Variants in ADAMTS20 observed in about 807,000 individuals in gnomAD.
The protein encoded by ADAMTS20 is ADAM metallopeptidase with thrombospondin type 1 motif 20.
In ADAMTS20, 225 loss-of-function variants were observed where a neutral mutation model predicts 260.1. The ratio of observed to expected loss-of-function variants is 0.87; its 90% confidence interval spans 0.78 to 0.97. ADAMTS20 has a LOEUF of 0.97. ADAMTS20 is among the 50% of genes least tolerant of loss of function. The pLI is 0.00. For missense variants in ADAMTS20, 2,400 were observed against 2,337.7 expected (o/e 1.03, Z -0.55); for synonymous variants, 802 against 769.5 (o/e 1.04, Z -0.70).
chr12:43,492,696 C>G (rs1318022576), intron 5 of ADAMTS20, 67 bp from the exon 6 acceptor site: 6 of 1,556,086 alleles, frequency 3.9e-6, no homozygotes, highest in Non-Finnish European at 5.3e-6. Context: ...CCAAGTTTAT[C>G]AGCATCTGCA....
chr12:43,358,406 G>C (rs1463214820), intron 37 of ADAMTS20, among the ~76,000 whole-genome samples: 1 of 152,066 alleles, frequency 6.6e-6, no homozygotes, highest in Non-Finnish European at 1.5e-5. Flanking sequence ...CTAAAATTTG[G>C]TATGATGTTG....
At chr12:43,369,127 TC>T (rs1331528828) in intron 37 of ADAMTS20, among the ~76,000 whole-genome samples, 162 bp downstream of exon 37, 1 of 152,148 alleles carries the variant, frequency 6.6e-6, no homozygotes, top group African/African-American at 2.4e-5. Context: ...AAGATGCTTT[TC>T]CTCCAAAGGT....
chr12:43,400,668 C>A (rs1417402259), intron 28 of ADAMTS20, among the ~76,000 whole-genome samples: 1 of 151,588 alleles, frequency 6.6e-6, no homozygotes, highest in East Asian at 1.9e-4. Context: ...CTGCCTCTTT[C>A]TTTTCTTCAT....
chr12:43,482,118 G>T (rs1235036552), intron 7 of ADAMTS20, among the ~76,000 whole-genome samples: 3 of 152,234 alleles, frequency 2.0e-5, no homozygotes, highest in African/African-American at 7.2e-5. Context: ...CTCCAGCAGG[G>T]ATGGAAGAAA....
intron 2 of ADAMTS20, among the ~76,000 whole-genome samples, chr12:43,546,444 G>A (rs959711814): frequency 6.6e-6 from 1 of 151,712 alleles, no homozygotes; most frequent in Admixed American, 6.6e-5. Flanking sequence ...TAATCCCCGA[G>A]GACCTTGGGA....
chr12:43,383,462 T>A, intron 31 of ADAMTS20, 96 bp downstream of exon 31: 3 of 1,237,636 alleles, frequency 2.4e-6, no homozygotes, highest in Non-Finnish European at 3.3e-6. Context: ...TCTGCCCTCA[T>A]ATTCAAATTT....
chr12:43,496,526 C>T (rs12315535), intron 4 of ADAMTS20, among the ~76,000 whole-genome samples: 2,287 of 152,298 alleles, frequency 0.015, 53 homozygotes, highest in African/African-American at 0.051. Context: ...GTCACTTGCC[C>T]GTGGCCTCAG....
At chr12:43,548,329 A>G (rs1943468130) in intron 2 of ADAMTS20, among the ~76,000 whole-genome samples, 1 of 152,342 alleles carries the variant, frequency 6.6e-6, no homozygotes, top group South Asian at 2.1e-4. Context: ...TGACAAAGAT[A>G]AACTAGGAAG....
In ADAMTS20 at chr12:43,420,800, C is replaced by CTTTTTT. The variant is rs747496684; in HGVS notation, c.4284+4708_4284+4713dup. On this transcript the variant is annotated intron_variant, in intron 28 of 38. Coordinates refer to ENST00000389420, the MANE Select transcript of ADAMTS20 (RefSeq NM_025003.5). ...TCTTCTTCTTCTCCTCCTCCTCCTT[C>CTTTTTT]TTTTTTTTTTTTTTTTTTTTTTTTT... Among the ~76,000 whole-genome samples the CTTTTTT allele has an allele frequency of 2.2e-3, 122 of 55,504 alleles. 6 individuals carry two copies. Among genetic ancestry groups the CTTTTTT allele is most frequent in the East Asian group, 0.014 (10 of 734 alleles). 36.4% of individuals were successfully genotyped at this position (55,504 alleles called of 152,430 possible). A position where few individuals can be genotyped will look rare whatever the true frequency, so the allele number is the denominator to read the frequency against.
chr12:43,389,570 G>A (rs1940553616), intron 29 of ADAMTS20, among the ~76,000 whole-genome samples: 1 of 152,142 alleles, frequency 6.6e-6, no homozygotes, highest in Non-Finnish European at 1.5e-5. Flanking sequence ...CTCATGGATT[G>A]TAGTTTGGTG....
intron 3 of ADAMTS20, among the ~76,000 whole-genome samples, chr12:43,518,581 A>G (rs1943029473): frequency 6.6e-6 from 1 of 152,000 alleles, no homozygotes; most frequent in Non-Finnish European, 1.5e-5. Context: ...ATTCAGCCTT[A>G]TATCTTTAAA....
At position 43,439,630 on chromosome 12, in the gene ADAMTS20, A is replaced by AT; in HGVS notation, c.2584dup (p.Met862AsnfsTer15). 4 of 1,604,822 alleles carry AT rather than the reference A, an allele frequency of 2.5e-6. No individual in the cohort carries two copies. The highest frequency in any genetic ancestry group is 3.4e-6 in the Non-Finnish European group (4 of 1,177,564). ...ATTGAATGCCAGCGTACCTTGACAC[A>AT]TTTTGGTACAGCCTTCCCATGGTCC... is the stretch of plus-strand genomic sequence containing the variant. On this transcript the variant is annotated frameshift_variant, in exon 18 of 39. Transcript: ENST00000389420. LOFTEE classifies it high-confidence loss of function.
At chr12:43,484,981 A>G (rs1942499503) in intron 7 of ADAMTS20, among the ~76,000 whole-genome samples, 1 of 152,044 alleles carries the variant, frequency 6.6e-6, no homozygotes, top group Admixed American at 6.6e-5. Flanking sequence ...ACATTCAAAC[A>G]AGAATTAGTA....
intron 36 of ADAMTS20, among the ~76,000 whole-genome samples, chr12:43,369,698 G>C (rs1940065042): frequency 6.6e-6 from 1 of 152,094 alleles, no homozygotes; most frequent in Non-Finnish European, 1.5e-5. Flanking sequence ...AATAGGTAAA[G>C]TGGGGTCAGG....
In ADAMTS20 at chr12:43,493,267, A is replaced by T; in HGVS notation, c.868-14T>A. ...GATTGTTGCAACCTGCATGTAAAAA[A>T]AATGTAGGATTAGTTGTTTAAAATG... On this transcript the variant is annotated splice_polypyrimidine_tract_variant and intron_variant, in intron 4 of 38. Transcript: ENST00000389420. The T allele has an allele frequency of 6.6e-7, 1 of 1,511,840 alleles. No individual in the cohort carries two copies. Among genetic ancestry groups the T allele is most frequent in the Non-Finnish European group, 9.0e-7 (1 of 1,116,128 alleles). 93.7% of individuals were successfully genotyped at this position (1,511,840 alleles called of 1,614,324 possible).
At chr12:43,458,348 A>G (rs7296000) in intron 11 of ADAMTS20, among the ~76,000 whole-genome samples, 69,589 of 151,748 alleles carry the variant, frequency 0.46, 16,814 homozygotes, top group East Asian at 0.89. Context: ...GACGTTCCCA[A>G]GTTGAAGGGT....
At chr12:43,353,388 A>G (rs191809716), downstream of ADAMTS20, among the ~76,000 whole-genome samples, 1 of 152,102 alleles carries the variant, frequency 6.6e-6, no homozygotes, top group African/African-American at 2.4e-5. Flanking sequence ...TAACTTTGAG[A>G]AAATAGATTT....
intron 28 of ADAMTS20, among the ~76,000 whole-genome samples, chr12:43,410,754 T>A (rs1465177496): frequency 2.0e-5 from 3 of 152,232 alleles, no homozygotes; most frequent in African/African-American, 4.8e-5. Context: ...GAGAAACAAC[T>A]GTCTTCAAAT....
At chr12:43,429,897 A>C (rs187950652) in intron 23 of ADAMTS20, among the ~76,000 whole-genome samples, 173 bp from the exon 24 acceptor site, 12 of 152,344 alleles carry the variant, frequency 7.9e-5, no homozygotes, top group Middle Eastern at 3.4e-3. Context: ...TCAAGTGTCA[A>C]TAGTGGATAA....
Sources: gnomAD v4.1 joint callset for allele counts (sites outside exome capture counted in the v4.1 genomes callset) on GRCh38, gnomAD v4.1.1 for gene constraint, MANE v1.5 for transcripts, NCBI Gene and HGNC (gene_info 2026-07-23, HGNC 2026-07-21) for gene names.